Variants in CLNK observed in about 807,000 individuals in gnomAD.
CLNK encodes cytokine-dependent hematopoietic cell linker.
CLNK carries 74 observed loss-of-function variants against 68.6 expected under a neutral mutation model. The ratio of observed to expected loss-of-function variants is 1.08; its 90% CI spans 0.89 to 1.31. The LOEUF (loss-of-function observed/expected upper bound fraction) is 1.31. CLNK is among the 50% of genes most tolerant of loss of function. CLNK has a pLI of 0.00. For missense variants in CLNK, 553 were observed against 515.3 expected (o/e 1.07, Z -0.71); for synonymous variants, 198 against 172.2 (o/e 1.15, Z -1.17).
chr4:10,612,881 G>A (rs1294176957), intron 2 of CLNK, among the ~76,000 whole-genome samples: 1 of 152,208 alleles, frequency 6.6e-6, no homozygotes, highest in Non-Finnish European at 1.5e-5. Flanking sequence ...GCTACATATT[G>A]AGAATATTGT....
intron 2 of CLNK, among the ~76,000 whole-genome samples, chr4:10,641,052 G>A (rs959948357): frequency 3.9e-5 from 6 of 151,998 alleles, no homozygotes; most frequent in Non-Finnish European, 7.3e-5. Context: ...GGATCAGAAT[G>A]TAGGATTTTT....
At chr4:10,502,903 T>C (rs1341444690) in intron 17 of CLNK, among the ~76,000 whole-genome samples, 1 of 151,208 alleles carries the variant, frequency 6.6e-6, no homozygotes, top group African/African-American at 2.4e-5. Flanking sequence ...AGACTGAGGG[T>C]TTCCAAAAGC....
At chr4:10,589,891 G>GAATTACAA (rs1721122408) in intron 3 of CLNK, among the ~76,000 whole-genome samples, 1 of 152,180 alleles carries the variant, frequency 6.6e-6, no homozygotes, top group African/African-American at 2.4e-5. Flanking sequence ...TCTTGCCAGG[G>GAATTACAA]AATTACAAGG....
chr4:10,617,804 A>G (rs7656295), intron 2 of CLNK, among the ~76,000 whole-genome samples: 3,844 of 152,278 alleles, frequency 0.025, 164 homozygotes, highest in African/African-American at 0.079. Context: ...GCGCTTTTCT[A>G]CTATGAGTGT....
intron 2 of CLNK, among the ~76,000 whole-genome samples, chr4:10,653,715 A>G (rs1483273453): frequency 6.6e-6 from 1 of 152,224 alleles, no homozygotes; most frequent in Non-Finnish European, 1.5e-5. Flanking sequence ...CGTATCAAAA[A>G]TGAAATGAAA....
chr4:10,491,785 T>C (rs1716585684), intron 18 of CLNK, among the ~76,000 whole-genome samples: 1 of 152,122 alleles, frequency 6.6e-6, no homozygotes, highest in Non-Finnish European at 1.5e-5. Context: ...TTTTTTAATT[T>C]CAACAGCTTT....
At chr4:10,685,664 C>G (rs761587819), upstream of CLNK, among the ~76,000 whole-genome samples, 1 of 152,062 alleles carries the variant, frequency 6.6e-6, no homozygotes, top group Non-Finnish European at 1.5e-5. Flanking sequence ...GTAAATAACT[C>G]TGGTTTTGAC....
chr4:10,570,934 A>G (rs1720319360), intron 5 of CLNK, among the ~76,000 whole-genome samples: 1 of 152,190 alleles, frequency 6.6e-6, no homozygotes, highest in South Asian at 2.1e-4. Flanking sequence ...GCCATTTAAA[A>G]TATATTATAA....
chr4:10,542,373 A>T (rs1468786919), intron 8 of CLNK, 93 bp from the exon 9 acceptor site: 20 of 832,146 alleles, frequency 2.4e-5, no homozygotes, highest in Non-Finnish European at 3.7e-5. Flanking sequence ...TTTTATTTGT[A>T]ATAATATTGG....
the CLNK span, among the ~76,000 whole-genome samples, chr4:10,706,580 G>T: frequency 6.6e-6 from 1 of 152,208 alleles, no homozygotes; most frequent in Non-Finnish European, 1.5e-5. Flanking sequence ...GAGGAAGTAT[G>T]TATCTGTCAT....
intron 2 of CLNK, among the ~76,000 whole-genome samples, chr4:10,603,427 G>A (rs1721664894): frequency 1.3e-5 from 2 of 152,172 alleles, no homozygotes; most frequent in Admixed American, 6.5e-5. Flanking sequence ...AATCCTATGA[G>A]ACCAGTCCTA....
At chr4:10,716,762 C>T in the CLNK span, among the ~76,000 whole-genome samples, 7 of 143,322 alleles carry the variant, frequency 4.9e-5, no homozygotes, top group Admixed American at 2.9e-4. Flanking sequence ...GGTGTGATCT[C>T]GGCTCACTGC....
intron 3 of CLNK, among the ~76,000 whole-genome samples, chr4:10,591,490 G>A (rs1473123043): frequency 6.6e-6 from 1 of 152,218 alleles, no homozygotes; most frequent in Non-Finnish European, 1.5e-5. Context: ...GCACACCAAT[G>A]TGGTGCTGAA....
chr4:10,536,152 G>A (rs1269492583), intron 11 of CLNK, among the ~76,000 whole-genome samples: 1 of 152,170 alleles, frequency 6.6e-6, no homozygotes, highest in Non-Finnish European at 1.5e-5. Context: ...CACTGCAAAA[G>A]GCTGCAGCTG....
the CLNK span, among the ~76,000 whole-genome samples, chr4:10,707,132 C>T: frequency 2.6e-5 from 4 of 152,144 alleles, no homozygotes; most frequent in Non-Finnish European, 5.9e-5. Context: ...AGTCTTTAAA[C>T]CTGGGGTGTC....
intron 1 of CLNK, among the ~76,000 whole-genome samples, chr4:10,675,229 G>T (rs1180132383): frequency 6.6e-6 from 1 of 152,146 alleles, no homozygotes; most frequent in African/African-American, 2.4e-5. Flanking sequence ...ACAGGGTTCT[G>T]CAGATGAAAG....
At chr4:10,600,943 T>C (rs1360331649) in intron 2 of CLNK, among the ~76,000 whole-genome samples, 1 of 152,222 alleles carries the variant, frequency 6.6e-6, no homozygotes, top group Non-Finnish European at 1.5e-5. Flanking sequence ...TCTTAACTTC[T>C]TCCTGGGTGC....
intron 18 of CLNK, among the ~76,000 whole-genome samples, chr4:10,498,384 C>T (rs927550864): frequency 2.6e-5 from 4 of 151,904 alleles, no homozygotes; most frequent in African/African-American, 9.7e-5. Context: ...CCCCGCTACT[C>T]GGGAGGCTGA....
At chr4:10,627,588 C>T (rs1722723114) in intron 2 of CLNK, among the ~76,000 whole-genome samples, 2 of 152,120 alleles carry the variant, frequency 1.3e-5, no homozygotes, top group Non-Finnish European at 2.9e-5. Context: ...GAGAGAGAGA[C>T]AGAGAAGGAC....
Sources: gnomAD v4.1 joint callset for allele counts (sites outside exome capture counted in the v4.1 genomes callset) on GRCh38, gnomAD v4.1.1 for gene constraint, MANE v1.5 for transcripts, NCBI Gene and HGNC (gene_info 2026-07-23, HGNC 2026-07-21) for gene names.